The following CREB5 variants were observed in gnomAD, a reference collection of about 807,000 sequenced individuals.
The protein encoded by CREB5 is cAMP responsive element binding protein 5.
CREB5 carries 19 observed loss-of-function variants against 57.1 expected under a neutral mutation model. The observed-to-expected ratio is 0.33, with a 90% CI of 0.23 to 0.49. CREB5 has a LOEUF of 0.49. CREB5 is among the 20% of genes least tolerant of loss of function. The pLI is 0.99. For synonymous variants in CREB5, 238 were observed against 238.3 expected (o/e 1.00, Z 0.01); for missense variants, 579 against 671.6 (o/e 0.86, Z 1.52).
At chr7:28,515,788 A>G (rs1235727561) in intron 4 of CREB5, among the ~76,000 whole-genome samples, 1 of 152,194 alleles carries the variant, frequency 6.6e-6, no homozygotes, top group African/African-American at 2.4e-5. Flanking sequence ...TAAGAAGGCT[A>G]TATGACCTTT....
intron 4 of CREB5, among the ~76,000 whole-genome samples, chr7:28,537,241 C>A (rs1484186586): frequency 6.6e-6 from 1 of 152,126 alleles, no homozygotes; most frequent in Non-Finnish European, 1.5e-5. Context: ...ATACATGATA[C>A]AGGATTACTG....
chr7:28,394,230 C>A (rs1227595435), intron 1 of CREB5, among the ~76,000 whole-genome samples: 1 of 150,638 alleles, frequency 6.6e-6, no homozygotes, highest in African/African-American at 2.4e-5. Context: ...TAAAATATTC[C>A]ATTAAATACA....
chr7:28,776,993 T>A (rs1445614093), intron 7 of CREB5, among the ~76,000 whole-genome samples: 2 of 152,252 alleles, frequency 1.3e-5, no homozygotes, highest in Non-Finnish European at 2.9e-5. Context: ...TTATGAATAA[T>A]GTGACTAGAA....
chr7:28,321,915 G>C (rs1210639625), intron 1 of CREB5, among the ~76,000 whole-genome samples: 1 of 152,218 alleles, frequency 6.6e-6, no homozygotes, highest in Admixed American at 6.5e-5. Context: ...AAGATGTGAA[G>C]TTAGCAATCA....
At chr7:28,623,846 C>T (rs1797894318) in intron 5 of CREB5, among the ~76,000 whole-genome samples, 1 of 152,092 alleles carries the variant, frequency 6.6e-6, no homozygotes, top group African/African-American at 2.4e-5. Context: ...TAAAATAATG[C>T]ATCAGAAAAC....
chr7:28,407,303 G>A (rs756461069), intron 1 of CREB5, among the ~76,000 whole-genome samples: 5 of 152,012 alleles, frequency 3.3e-5, no homozygotes, highest in Middle Eastern at 3.2e-3. Context: ...CACCTGCCTC[G>A]GCCTCCCAAA....
At chr7:28,380,964 T>G (rs1786955215) in intron 1 of CREB5, among the ~76,000 whole-genome samples, 1 of 152,180 alleles carries the variant, frequency 6.6e-6, no homozygotes, top group South Asian at 2.1e-4. Context: ...ATTATAATGT[T>G]GTCTGTAGTG....
intron 7 of CREB5, among the ~76,000 whole-genome samples, chr7:28,737,505 C>CTGTG (rs1285351690): frequency 7.8e-6 from 1 of 128,634 alleles, no homozygotes; most frequent in Non-Finnish European, 1.7e-5. Context: ...CTCTCTCTCT[C>CTGTG]TGTGTGTGTG....
chr7:28,589,447 G>A lies in CREB5; in HGVS notation c.464+18910G>A, dbSNP rs192762546. 4.4e-4 allele frequency among the ~76,000 whole-genome samples: 67 copies of A among 152,206 alleles called. 1 individual carries two copies. The highest frequency in any genetic ancestry group is 1.5e-3 in the African/African-American group (62 of 41,528). ...CAGGTGCCTGTAGTCCCAGCTACTCGGGAGGCTGAGGCAGGAGAATGGTGT... is the reference window on the plus strand; with the variant it reads ...CAGGTGCCTGTAGTCCCAGCTACTCAGGAGGCTGAGGCAGGAGAATGGTGT... On this transcript the variant is annotated intron_variant, in intron 5 of 10. Coordinates refer to ENST00000357727, the MANE Select transcript of CREB5 (RefSeq NM_182898.4).
At chr7:28,492,298 G>A (rs775406333) in intron 2 of CREB5, among the ~76,000 whole-genome samples, 2 of 152,160 alleles carry the variant, frequency 1.3e-5, no homozygotes, top group East Asian at 1.9e-4. Context: ...CCGTGGCCAC[G>A]TGGGAGATTT....
intron 5 of CREB5, among the ~76,000 whole-genome samples, chr7:28,662,312 A>G (rs954542832): frequency 6.6e-6 from 1 of 152,228 alleles, no homozygotes; most frequent in Non-Finnish European, 1.5e-5. Context: ...TACGAGGCAG[A>G]GACCTTCAAG....
rs1003930362 is a variant in CREB5 at position 28,505,204 on chromosome 7, G to A, written c.170-2412G>A. 1.2e-4 allele frequency among the ~76,000 whole-genome samples: 18 copies of A among 151,652 alleles called. 1 individual carries two copies. The highest frequency in any genetic ancestry group is 2.0e-4 in the Admixed American group (3 of 15,230). ...TGTGCTCATGCACGTGCACACACAC[G>A]CACACACACACACATGCACACACGC... On this transcript the variant is annotated intron_variant, in intron 3 of 10. Transcript: ENST00000357727.
intron 1 of CREB5, among the ~76,000 whole-genome samples, chr7:28,433,839 T>G (rs1320332051): frequency 6.6e-6 from 1 of 151,732 alleles, no homozygotes; most frequent in Non-Finnish European, 1.5e-5. Context: ...TTGCTGTAGC[T>G]TCAGTTATAA....
At position 28,560,983 on chromosome 7, in the gene CREB5, T is replaced by TGTGTGC. The variant is rs1562798269; in HGVS notation, c.292-9381_292-9380insTGTGCG. 1.0e-3 allele frequency among the ~76,000 whole-genome samples: 72 copies of TGTGTGC among 71,924 alleles called. 12 individuals are homozygous for TGTGTGC. Among genetic ancestry groups the TGTGTGC allele is most frequent in the Non-Finnish European group, 2.1e-3 (67 of 31,254 alleles). The allele number at this position is 71,924 out of a possible 152,430, so 47.2% of individuals were successfully genotyped here. Reference sequence around the variant, plus strand: ...GTGCGTGTGTGTGTGCGTGTGTGCGTGCGTGTGTGTGCCTGCGTGTGCGTG... The same window carrying TGTGTGC: ...GTGCGTGTGTGTGTGCGTGTGTGCGTGTGTGCGCGTGTGTGTGCCTGCGTGTGCGTG... On this transcript the variant is annotated intron_variant, in intron 4 of 10. Transcript: ENST00000357727.
chr7:28,476,254 A>G (rs1791064803), intron 1 of CREB5, among the ~76,000 whole-genome samples: 1 of 152,214 alleles, frequency 6.6e-6, no homozygotes, highest in African/African-American at 2.4e-5. Flanking sequence ...TTATCAGAGA[A>G]TCATCAAGTC....
At chr7:28,337,995 A>G (rs1047949194) in intron 1 of CREB5, among the ~76,000 whole-genome samples, 1 of 152,184 alleles carries the variant, frequency 6.6e-6, no homozygotes, top group Non-Finnish European at 1.5e-5. Context: ...AAGAAAACTA[A>G]TAAAAATTCT....
chr7:28,424,987 TA>T (rs1370140819), intron 1 of CREB5, among the ~76,000 whole-genome samples: 1 of 152,290 alleles, frequency 6.6e-6, no homozygotes, highest in Non-Finnish European at 1.5e-5. Flanking sequence ...AGACAGTTCT[TA>T]AAAAAATTTT....
At position 28,820,888 on chromosome 7, in the gene CREB5, G is replaced by C. The variant is rs758599068; in HGVS notation, c.*1609G>C. 10 of 152,412 alleles carry C rather than the reference G, an allele frequency of 6.6e-5. No homozygotes were observed. The highest frequency in any genetic ancestry group is 1.3e-4 in the Non-Finnish European group (9 of 68,034). The allele number at this position is 152,412 out of a possible 1,614,324, so 9.4% of individuals were successfully genotyped here. A position where few individuals can be genotyped will look rare whatever the true frequency, so the allele number is the denominator to read the frequency against. On this transcript the variant is annotated 3_prime_UTR_variant, in exon 11 of 11. Transcript: ENST00000357727. ...GTTGGGATTATAGGTGTGAGCCACT[G>C]CACCCAGCCTACTTCACTCTTCTGA...
chr7:28,394,284 C>A (rs1287594705), intron 1 of CREB5, among the ~76,000 whole-genome samples: 2 of 151,280 alleles, frequency 1.3e-5, no homozygotes, highest in African/African-American at 4.9e-5. Context: ...GAAAAAGAAA[C>A]AAGGGTAATG....
Sources: gnomAD v4.1 joint callset for allele counts (sites outside exome capture counted in the v4.1 genomes callset) on GRCh38, gnomAD v4.1.1 for gene constraint, MANE v1.5 for transcripts, NCBI Gene and HGNC (gene_info 2026-07-23, HGNC 2026-07-21) for gene names.